The following SEPTIN8 variants were observed in gnomAD, a reference collection of about 807,000 sequenced individuals.
SEPTIN8 encodes septin 8.
A neutral mutation model predicts 53.1 loss-of-function variants in SEPTIN8; 22 were observed. That is an observed-to-expected ratio of 0.41 (90% CI 0.30 to 0.59). The LOEUF (loss-of-function observed/expected upper bound fraction) is 0.59. SEPTIN8 is among the 20% of genes least tolerant of loss of function. The pLI, the probability that SEPTIN8 is intolerant of heterozygous loss-of-function variation, is 0.24. For missense variants in SEPTIN8, 536 were observed against 638.7 expected, an observed-to-expected ratio of 0.84 and a Z score of 1.73; for synonymous variants, 228 against 248.4, an observed-to-expected ratio of 0.92 and a Z score of 0.77.
intron 9 of SEPTIN8, chr5:132,754,339 G>A (rs1581130878): frequency 2.8e-6 from 2 of 708,644 alleles, no homozygotes; most frequent in African/African-American, 3.5e-5. Flanking sequence ...GCCGTTGAGT[G>A]CCCTCTGCCT....
intron 1 of SEPTIN8, among the ~76,000 whole-genome samples, chr5:132,769,982 C>CAT (rs1164726534): frequency 0.017 from 922 of 55,168 alleles, 5 homozygotes; most frequent in Non-Finnish European, 0.022. Flanking sequence ...TCTATATATA[C>CAT]ATATATATAT....
chr5:132,752,970 G>T lies in SEPTIN8; in HGVS notation c.1287-789C>A. 3 of 1,612,886 alleles carry T rather than the reference G, an allele frequency of 1.9e-6. No individual in the cohort carries two copies. In the East Asian group the frequency reaches 6.7e-5, roughly 36 times the overall value. On this transcript the variant is annotated intron_variant, in intron 9 of 9. Coordinates refer to ENST00000378719, the MANE Select transcript of SEPTIN8 (RefSeq NM_001098811.2). ...ACAACTTTGTGTCACCTGCCAACTA[G>T]CCCCTCTGCCTCCACCCCGGGGCTT...
Position 132,761,600 on chromosome 5 carries a change from C to G in SEPTIN8, c.820G>C (p.Val274Leu). Residue 274 changes from valine (V) to leucine (L), a missense_variant, in exon 7 of 10, where the codon GTG (valine) becomes CTG (leucine). Transcript: ENST00000378719. The surrounding 1 kb of genome is among the most constrained non-coding windows in gnomAD (Gnocchi z 5.8). ...QVENENHCDF[V>L]KLREMLIRVN... ...CGGATCAACATCTCCCGCAGCTTCA[C>G]GAAGTCGCAGTGATTCTCATTCTCC... 2 of 1,613,946 alleles carry G rather than the reference C, an allele frequency of 1.2e-6. No individual in the cohort carries two copies. Among genetic ancestry groups the G allele is most frequent in the South Asian group, 1.1e-5 (1 of 91,082 alleles).
intron 9 of SEPTIN8, chr5:132,757,414 G>A (rs1254465208): frequency 5.1e-6 from 5 of 985,382 alleles, no homozygotes; most frequent in Non-Finnish European, 6.0e-6. Context: ...GCAGGAGGAA[G>A]CCAGGACTTG....
At position 132,765,539 on chromosome 5, in the gene SEPTIN8, G is replaced by A; in HGVS notation, c.31-10C>T. The A allele has an allele frequency of 1.3e-6, 2 of 1,580,338 alleles. No individual in the cohort carries two copies. Among genetic ancestry groups the A allele is most frequent in the Non-Finnish European group, 1.7e-6 (2 of 1,166,770 alleles). On this transcript the variant is annotated splice_polypyrimidine_tract_variant and intron_variant, in intron 1 of 9. Transcript: ENST00000378719. ...GCTCTGGCTCTGCATTCTGCCAAGAGAGAAATAAAGCAAGACATGAGCCCA... is the reference window on the plus strand; with the variant it reads ...GCTCTGGCTCTGCATTCTGCCAAGAAAGAAATAAAGCAAGACATGAGCCCA...
intron 1 of SEPTIN8, among the ~76,000 whole-genome samples, chr5:132,770,596 G>C (rs953366965): frequency 3.9e-5 from 6 of 152,222 alleles, no homozygotes; most frequent in African/African-American, 1.2e-4. Flanking sequence ...TGGGCCAAAG[G>C]CCTGCTGGTC....
intron 1 of SEPTIN8, among the ~76,000 whole-genome samples, chr5:132,770,683 T>A (rs1165453550): frequency 6.6e-6 from 1 of 152,160 alleles, no homozygotes; most frequent in South Asian, 2.1e-4. Flanking sequence ...GGAAGCCCCA[T>A]GGCAGACTGC....
rs778951512 is a variant in SEPTIN8 at position 132,760,971 on chromosome 5, G to C, written c.1117C>G (p.Leu373Val). Residue 373 changes from leucine (L) to valine (V), a missense_variant, in exon 9 of 10, where the codon CTG becomes GTG. Leu to Val is a conservative substitution (Grantham distance 32). Coordinates refer to ENST00000378719, the MANE Select transcript of SEPTIN8 (RefSeq NM_001098811.2). This position sits in a 1 kb window ranked among gnomAD's most constrained non-coding sequence, Gnocchi z 5.2. ...TTCTCCTCCTGGTGGACCCGCTTCA[G>C]GTGCTCAAACTTCTCATGGAGCTGG... ...ERELHEKFEHLKRVHQEEKRK... is the reference protein window; with the variant it reads ...ERELHEKFEHVKRVHQEEKRK... 1.5e-4 allele frequency: 231 copies of C among 1,584,678 alleles called. No individual in the cohort carries two copies. Among genetic ancestry groups the C allele is most frequent in the Non-Finnish European group, 2.0e-4 (230 of 1,166,318 alleles).
At chr5:132,767,617 G>A (rs898994603) in intron 1 of SEPTIN8, among the ~76,000 whole-genome samples, 1 of 151,982 alleles carries the variant, frequency 6.6e-6, no homozygotes, top group Non-Finnish European at 1.5e-5. Context: ...CAACATGCTG[G>A]ACAATGCTAC....
chr5:132,752,263 CAAAGG>C, intron 9 of SEPTIN8, 82 bp from the exon 10 acceptor site: 1 of 1,488,938 alleles, frequency 6.7e-7, no homozygotes, highest in Non-Finnish European at 9.0e-7. Flanking sequence ...ACTCTGACCC[CAAAGG>C]GGTACCCTTT....
Position 132,751,876 on chromosome 5 carries a change from G to A in SEPTIN8, c.*140C>T. 1 of 1,433,536 alleles carries A rather than the reference G, an allele frequency of 7.0e-7. No homozygotes were observed. Among genetic ancestry groups the A allele is most frequent in the Non-Finnish European group, 9.5e-7 (1 of 1,055,142 alleles). The allele number at this position is 1,433,536 out of a possible 1,614,324, so 88.8% of individuals were successfully genotyped here. ...GGTTGGGCAACATTTGATGTTCCCTGATGGAAATTTAAATTGTTTGCACTT... is the reference window on the plus strand; with the variant it reads ...GGTTGGGCAACATTTGATGTTCCCTAATGGAAATTTAAATTGTTTGCACTT... On this transcript the variant is annotated 3_prime_UTR_variant, in exon 10 of 10. Transcript: ENST00000378719.
chr5:132,754,863 G>C (rs538173313), intron 9 of SEPTIN8, among the ~76,000 whole-genome samples: 11 of 152,194 alleles, frequency 7.2e-5, no homozygotes, highest in Non-Finnish European at 1.5e-4. Flanking sequence ...AAGGAATGAG[G>C]CTGAAGAAAA....
chr5:132,756,249 T>C (rs1212498559), intron 9 of SEPTIN8: 2 of 985,292 alleles, frequency 2.0e-6, no homozygotes, highest in Non-Finnish European at 1.2e-6. Context: ...ACAAACCACC[T>C]AGATCAGGGT....
chr5:132,765,063 C>T (rs892410927), intron 2 of SEPTIN8, among the ~76,000 whole-genome samples: 2 of 151,952 alleles, frequency 1.3e-5, no homozygotes, highest in Admixed American at 1.3e-4. Context: ...AGCTGTTTAC[C>T]ATAACGTCCT....
At chr5:132,764,702 A>G (rs1023366935) in intron 2 of SEPTIN8, among the ~76,000 whole-genome samples, 1 of 152,084 alleles carries the variant, frequency 6.6e-6, no homozygotes, top group Admixed American at 6.5e-5. Flanking sequence ...CAGGGAAGAG[A>G]CAGAGCCAGG....
intron 5 of SEPTIN8, among the ~76,000 whole-genome samples, 188 bp downstream of exon 5, chr5:132,762,296 C>A (rs1756060484): frequency 6.6e-6 from 1 of 152,218 alleles, no homozygotes; most frequent in Admixed American, 6.5e-5. Flanking sequence ...AGTGTAGGCC[C>A]ACTATCAGAT....
At chr5:132,763,661 G>T in intron 4 of SEPTIN8, 45 bp downstream of exon 4, 1 of 1,572,096 alleles carries the variant, frequency 6.4e-7, no homozygotes, top group Non-Finnish European at 8.7e-7. Context: ...TCGCATCGCA[G>T]CAGAAGACTA....
chr5:132,762,136 C>T (rs1192638233), intron 5 of SEPTIN8, among the ~76,000 whole-genome samples: 2 of 152,152 alleles, frequency 1.3e-5, no homozygotes, highest in African/African-American at 2.4e-5. Flanking sequence ...TTTCAGCACT[C>T]GGGCCTCCCA....
Position 132,756,058 on chromosome 5 carries a change from A to T in SEPTIN8, c.1287-3877T>A, listed in dbSNP as rs997662608. The T allele has an allele frequency of 4.1e-6, 4 of 985,340 alleles. No individual in the cohort carries two copies. In the African/African-American group the frequency reaches 7.0e-5, roughly 17 times the overall value. 61.0% of individuals were successfully genotyped at this position (985,340 alleles called of 1,614,324 possible). On this transcript the variant is annotated intron_variant, in intron 9 of 9. Coordinates refer to ENST00000378719, the MANE Select transcript of SEPTIN8 (RefSeq NM_001098811.2). ...AATAAGTACAAAGTGAATGGAAAAG[A>T]ACAAAAACAGTCAATGAATGCAGGA...
Sources: allele counts gnomAD v4.1 joint callset (sites outside exome capture counted in the v4.1 genomes callset), GRCh38; gene constraint gnomAD v4.1.1; non-coding constraint Gnocchi (gnomAD v3.1); transcripts MANE v1.5; gene names NCBI Gene and HGNC (gene_info 2026-07-23, HGNC 2026-07-21).